Variants in KIAA1549L observed in about 807,000 individuals in gnomAD.
KIAA1549L encodes UPF0606 protein KIAA1549L.
Under a neutral mutation model 160.7 loss-of-function variants are expected in KIAA1549L, and 88 were observed. That is an observed-to-expected ratio of 0.55 (90% confidence interval 0.46 to 0.65). The LOEUF (loss-of-function observed/expected upper bound fraction) is 0.65. Among genes scored for constraint, KIAA1549L ranks in the 30% least tolerant of loss-of-function variants. The pLI is 0.00. For missense variants in KIAA1549L, 2,258 were observed against 2,437.5 expected, an observed-to-expected ratio of 0.93 and a Z score of 1.55; for synonymous variants, 950 against 976.7, an observed-to-expected ratio of 0.97 and a Z score of 0.51.
At position 33,573,535 on chromosome 11, in the gene KIAA1549L, T is replaced by G. The variant is rs577281828; in HGVS notation, c.4231-1167T>G. Among the ~76,000 whole-genome samples the G allele has an allele frequency of 2.0e-5, 3 of 152,336 alleles. No individual in the cohort carries two copies. In the East Asian group the frequency reaches 5.8e-4, roughly 29 times the overall value. On this transcript the variant is annotated intron_variant, in intron 9 of 20. Coordinates refer to ENST00000658780, the MANE Select transcript of KIAA1549L (RefSeq NM_012194.3). ...ACCACTACACTATAGTATGTCATCA[T>G]GTGAGTATACAGTAGCTCATTATCC...
chr11:33,649,886 GAAA>G (rs1034924796), intron 17 of KIAA1549L, among the ~76,000 whole-genome samples: 6 of 148,246 alleles, frequency 4.0e-5, no homozygotes, highest in African/African-American at 1.5e-4. Flanking sequence ...AGGAAAGAAA[GAAA>G]AAAGAAAAAG....
chr11:33,403,378 C>CAGACACACGG (rs1565122029), intron 1 of KIAA1549L: 1 of 146,962 alleles, frequency 6.8e-6, no homozygotes, highest in African/African-American at 2.6e-5. Flanking sequence ...TGCAGACAGA[C>CAGACACACGG]ACATACAGGG....
At chr11:33,551,908 G>A (rs142714576) in intron 5 of KIAA1549L, among the ~76,000 whole-genome samples, 200 bp from the exon 6 acceptor site, 5 of 152,280 alleles carry the variant, frequency 3.3e-5, no homozygotes, top group East Asian at 1.9e-4. Context: ...TGGTTCGATC[G>A]TGCTTTTAAT....
intron 1 of KIAA1549L, among the ~76,000 whole-genome samples, chr11:33,516,907 T>C (rs1024463347): frequency 2.0e-4 from 30 of 152,248 alleles, no homozygotes; most frequent in Non-Finnish European, 1.5e-5. Flanking sequence ...TGTAGTTATA[T>C]TTAGACTGAA....
At chr11:33,604,609 C>T (rs1335980699) in intron 13 of KIAA1549L, among the ~76,000 whole-genome samples, 1 of 152,170 alleles carries the variant, frequency 6.6e-6, no homozygotes, top group Non-Finnish European at 1.5e-5. Context: ...CCATGGAATA[C>T]ACTACTCAGC....
intron 1 of KIAA1549L, among the ~76,000 whole-genome samples, chr11:33,462,517 C>G (rs555210208): frequency 6.6e-6 from 1 of 152,240 alleles, no homozygotes; most frequent in East Asian, 1.9e-4. Flanking sequence ...TTATGTAATT[C>G]AACCTGTGTC....
chr11:33,671,787 G>GA lies in KIAA1549L; in HGVS notation c.*3635dup, dbSNP rs1380666311. On this transcript the variant is annotated 3_prime_UTR_variant, in exon 21 of 21. Transcript: ENST00000658780. ...AGCACACAGGTGCTCAACATTTAAT[G>GA]AATAATATAACAGATACTGTCTTAA... 6.6e-6 allele frequency: 1 copy of GA among 152,106 alleles called. No homozygotes were observed. Among genetic ancestry groups the GA allele is most frequent in the Non-Finnish European group, 1.5e-5 (1 of 68,012 alleles). 9.4% of individuals were successfully genotyped at this position (152,106 alleles called of 1,614,324 possible).
At chr11:33,637,409 T>A (rs1851464268) in intron 16 of KIAA1549L, among the ~76,000 whole-genome samples, 1 of 152,216 alleles carries the variant, frequency 6.6e-6, no homozygotes, top group African/African-American at 2.4e-5. Context: ...TAGTTTCCCA[T>A]TGCCCTTTGA....
chr11:33,561,618 T>C, intron 7 of KIAA1549L, 58 bp from the exon 8 acceptor site: 3 of 1,316,172 alleles, frequency 2.3e-6, no homozygotes, highest in African/African-American at 1.5e-5. Context: ...ACTAAATAAA[T>C]GAAACGAAAC....
intron 1 of KIAA1549L, among the ~76,000 whole-genome samples, chr11:33,452,165 C>G (rs940255756): frequency 1.3e-5 from 2 of 152,200 alleles, no homozygotes. Context: ...TCTCACATGT[C>G]TATAATCCCT....
At chr11:33,649,661 AAAC>A (rs1268443445) in intron 17 of KIAA1549L, among the ~76,000 whole-genome samples, 3 of 152,192 alleles carry the variant, frequency 2.0e-5, no homozygotes, top group African/African-American at 7.2e-5. Context: ...TCATAAAAAC[AAAC>A]AACTCCCCCC....
chr11:33,615,359 CTCA>C (rs750512675), intron 15 of KIAA1549L, among the ~76,000 whole-genome samples: 2 of 152,160 alleles, frequency 1.3e-5, no homozygotes, highest in Non-Finnish European at 2.9e-5. Context: ...GCAAGTAAAA[CTCA>C]TCATTACCCA....
intron 1 of KIAA1549L, among the ~76,000 whole-genome samples, chr11:33,523,768 A>G (rs1311052188): frequency 6.6e-6 from 1 of 152,188 alleles, no homozygotes; most frequent in African/African-American, 2.4e-5. Flanking sequence ...TTACGTATTA[A>G]TTGACAATTT....
intron 1 of KIAA1549L, among the ~76,000 whole-genome samples, chr11:33,411,983 T>C (rs1040488689): frequency 6.6e-6 from 1 of 152,238 alleles, no homozygotes; most frequent in African/African-American, 2.4e-5. Context: ...TCTTGTACTT[T>C]CTGACCTTGA....
chr11:33,603,980 A>G (rs1360514983), intron 13 of KIAA1549L, among the ~76,000 whole-genome samples: 2 of 152,130 alleles, frequency 1.3e-5, no homozygotes, highest in Non-Finnish European at 2.9e-5. Flanking sequence ...GGTCAGGGGA[A>G]GAATGCCATC....
In KIAA1549L at chr11:33,672,972, T is replaced by G. The variant is rs1219951993; in HGVS notation, c.*4818T>G. 1.3e-5 allele frequency: 2 copies of G among 153,422 alleles called. No homozygotes were observed. The highest frequency in any genetic ancestry group is 4.8e-5 in the African/African-American group (2 of 41,466). The allele number at this position is 153,422 out of a possible 1,614,324, so 9.5% of individuals were successfully genotyped here. ...AAACAAAATTGGTTTCAAGTGAAAC[T>G]TACATTATTTTTTGGCTGTGACCTT... On this transcript the variant is annotated 3_prime_UTR_variant, in exon 21 of 21. Coordinates refer to ENST00000658780, the MANE Select transcript of KIAA1549L (RefSeq NM_012194.3).
intron 16 of KIAA1549L, among the ~76,000 whole-genome samples, chr11:33,628,873 C>T (rs562235719): frequency 1.3e-4 from 19 of 151,974 alleles, no homozygotes; most frequent in African/African-American, 4.6e-4. Flanking sequence ...GCAGTTTCTT[C>T]CCAGTCTCGA....
At chr11:33,626,349 G>A (rs1851112595) in intron 16 of KIAA1549L, among the ~76,000 whole-genome samples, 1 of 146,726 alleles carries the variant, frequency 6.8e-6, no homozygotes, top group East Asian at 2.0e-4. Flanking sequence ...ATTACCTTGG[G>A]CAGTATGGCC....
At chr11:33,391,339 T>C (rs1850269012) in intron 1 of KIAA1549L, among the ~76,000 whole-genome samples, 1 of 152,202 alleles carries the variant, frequency 6.6e-6, no homozygotes, top group Admixed American at 6.5e-5. Context: ...TCCTCCTCCT[T>C]TGCTGTCATC....
Sources: allele counts gnomAD v4.1 joint callset (sites outside exome capture counted in the v4.1 genomes callset), GRCh38; gene constraint gnomAD v4.1.1; transcripts MANE v1.5; gene names NCBI Gene and HGNC (gene_info 2026-07-23, HGNC 2026-07-21).